The following CHN2 variants were observed in gnomAD, a reference collection of about 807,000 sequenced individuals.
CHN2 encodes the protein beta-chimaerin.
A neutral mutation model predicts 56.3 loss-of-function variants in CHN2; 35 were observed. That is an observed-to-expected ratio of 0.62 (90% CI 0.47 to 0.82). The LOEUF (loss-of-function observed/expected upper bound fraction) is 0.82, where lower values mean the gene tolerates loss of function less well. CHN2 is among the 40% of genes least tolerant of loss of function. The probability of loss-of-function intolerance (pLI) is 0.00; values close to 1 mark genes in which losing one functional copy is unlikely to be tolerated. For missense variants in CHN2, 491 were observed against 580.5 expected (o/e 0.85, Z 1.58); for synonymous variants, 210 against 212.8 (o/e 0.99, Z 0.12).
At chr7:29,499,774 G>C in intron 8 of CHN2, 93 bp from the exon 9 acceptor site, 1 of 1,184,538 alleles carries the variant, frequency 8.4e-7, no homozygotes, top group Non-Finnish European at 1.2e-6. Flanking sequence ...TCAAACCCTT[G>C]GGTGGTGATA....
intron 1 of CHN2, among the ~76,000 whole-genome samples, chr7:29,209,700 C>T (rs914689102): frequency 2.0e-5 from 3 of 152,074 alleles, no homozygotes; most frequent in African/African-American, 2.4e-5. Context: ...AGCCCACTGC[C>T]GCTTGCTATG....
intron 1 of CHN2, among the ~76,000 whole-genome samples, chr7:29,271,528 C>T (rs778632695): frequency 6.6e-6 from 1 of 152,116 alleles, no homozygotes; most frequent in Non-Finnish European, 1.5e-5. Context: ...TTCCTGGGAA[C>T]CTGAGCCCAT....
intron 7 of CHN2, among the ~76,000 whole-genome samples, chr7:29,487,180 C>T (rs1020364092): frequency 4.0e-5 from 6 of 150,752 alleles, no homozygotes; most frequent in African/African-American, 1.5e-4. Context: ...CAGAAATTGG[C>T]TTCAGAATGG....
intron 1 of CHN2, among the ~76,000 whole-genome samples, chr7:29,297,852 G>A (rs1347779037): frequency 6.6e-6 from 1 of 152,062 alleles, no homozygotes; most frequent in Non-Finnish European, 1.5e-5. Flanking sequence ...GGAGGAGAGA[G>A]GAAAAAAGAA....
intron 1 of CHN2, among the ~76,000 whole-genome samples, chr7:29,328,980 A>G (rs7786954): frequency 0.9 from 137,622 of 152,218 alleles, 62,372 homozygotes; most frequent in East Asian, 1. Context: ...CATTTGGGGC[A>G]CCATTAACTG....
rs947972791 is a variant in CHN2, at chr7:29,294,951, G to A, written c.50-59674G>A. Among the ~76,000 whole-genome samples, 9 of 152,116 alleles carry A rather than the reference G, an allele frequency of 5.9e-5. No individual in the cohort carries two copies. In the South Asian group the frequency reaches 1.9e-3, roughly 32 times the overall value. The stretch of plus-strand genomic sequence containing the variant: ...GCTCTTTAGAACAAGCAAGCCACAG[G>A]GCAGTCATCCTCTGTATCTTTGCAG... On this transcript the variant is annotated intron_variant, in intron 1 of 12. Coordinates refer to ENST00000222792, the MANE Select transcript of CHN2 (RefSeq NM_004067.4).
At chr7:29,378,964 G>A (rs1329002606) in intron 3 of CHN2, among the ~76,000 whole-genome samples, 2 of 152,110 alleles carry the variant, frequency 1.3e-5, no homozygotes, top group East Asian at 1.9e-4. Flanking sequence ...ACTCCGTCTC[G>A]AAAGAAAGAA....
chr7:29,394,560 G>A (rs984129903), intron 4 of CHN2, among the ~76,000 whole-genome samples: 2 of 152,118 alleles, frequency 1.3e-5, no homozygotes, highest in African/African-American at 4.8e-5. Flanking sequence ...CTTCCTAATT[G>A]CCACAGCTGC....
At chr7:29,288,279 C>T (rs147453506) in intron 1 of CHN2, among the ~76,000 whole-genome samples, 33 of 152,190 alleles carry the variant, frequency 2.2e-4, no homozygotes, top group South Asian at 1.9e-3. Flanking sequence ...GTAAAACAGG[C>T]AGGATGTGAT....
chr7:29,158,861 C>A (rs191939623), intron 2 of CHN2, among the ~76,000 whole-genome samples: 6 of 152,320 alleles, frequency 3.9e-5, no homozygotes, highest in Admixed American at 2.0e-4. Context: ...CAACACATTT[C>A]AGCTCTGTAT....
intron 6 of CHN2, among the ~76,000 whole-genome samples, chr7:29,470,312 G>A (rs1056405434): frequency 2.0e-5 from 3 of 152,242 alleles, no homozygotes; most frequent in Admixed American, 6.5e-5. Context: ...TCTTTGGAAT[G>A]TGTCAACATC....
intron 1 of CHN2, among the ~76,000 whole-genome samples, chr7:29,316,739 T>A (rs1279074891): frequency 6.6e-6 from 1 of 151,856 alleles, no homozygotes; most frequent in Non-Finnish European, 1.5e-5. Context: ...TTTTCCACAA[T>A]GTTGGGATTA....
intron 4 of CHN2, chr7:29,397,784 T>C (rs76971194): frequency 0.032 from 4,806 of 152,528 alleles, 91 homozygotes; most frequent in Middle Eastern, 0.048. Flanking sequence ...TTTAAAATGG[T>C]AGAGAAGATA....
chr7:29,271,360 G>A lies in CHN2; in HGVS notation c.49+76370G>A, dbSNP rs142906293. On this transcript the variant is annotated intron_variant, in intron 1 of 12. Coordinates refer to ENST00000222792, the MANE Select transcript of CHN2 (RefSeq NM_004067.4). ...ATGATTAAACGTATTTTCACTGGCA[G>A]CCTTTTTAAAACAAAACTTCATGTT... Among the ~76,000 whole-genome samples the A allele has an allele frequency of 5.3e-5, 8 of 152,318 alleles. No individual in the cohort carries two copies. The East Asian group carries it at 1.3e-3, about 26-fold the overall frequency.
chr7:29,273,376 T>TAC (rs1790897223), intron 1 of CHN2, among the ~76,000 whole-genome samples: 2 of 61,344 alleles, frequency 3.3e-5, no homozygotes, highest in Non-Finnish European at 5.8e-5. Flanking sequence ...TATATATATA[T>TAC]ATATATATAT....
chr7:29,202,367 T>G (rs553459597), intron 1 of CHN2, among the ~76,000 whole-genome samples: 73 of 152,302 alleles, frequency 4.8e-4, no homozygotes, highest in African/African-American at 1.7e-3. Context: ...TTTCAGCACA[T>G]TTAATTGGGG....
At chr7:29,439,828 G>C (rs1783500399) in intron 6 of CHN2, among the ~76,000 whole-genome samples, 1 of 152,216 alleles carries the variant, frequency 6.6e-6, no homozygotes, top group Non-Finnish European at 1.5e-5. Context: ...ACTCACACTT[G>C]TCTAGCACTT....
chr7:29,459,630 C>G (rs1436091251), intron 6 of CHN2, among the ~76,000 whole-genome samples: 3 of 152,142 alleles, frequency 2.0e-5, no homozygotes, highest in African/African-American at 7.2e-5. Context: ...CAGGAGCTGA[C>G]CCAGCCTCAC....
intron 2 of CHN2, among the ~76,000 whole-genome samples, chr7:29,171,850 C>A (rs1194022340): frequency 6.6e-6 from 1 of 152,162 alleles, no homozygotes; most frequent in Non-Finnish European, 1.5e-5. Context: ...AGCTTTCAAG[C>A]ATGCCGTCAC....
Sources: gnomAD v4.1 joint callset for allele counts (sites outside exome capture counted in the v4.1 genomes callset) on GRCh38, gnomAD v4.1.1 for gene constraint, MANE v1.5 for transcripts, NCBI Gene and HGNC (gene_info 2026-07-23, HGNC 2026-07-21) for gene names.